Variants in GRB2 observed in about 807,000 individuals in gnomAD.
The protein encoded by GRB2 is growth factor receptor-bound protein 2.
Under a neutral mutation model 27.4 loss-of-function variants are expected in GRB2, and 2 were observed. The ratio of observed to expected loss-of-function variants is 0.07; its 90% CI spans 0.03 to 0.23. The LOEUF is 0.23. GRB2 is among the 10% of genes least tolerant of loss of function. GRB2 has a pLI of 1.00. For synonymous variants in GRB2, 94 were observed against 99.6 expected (o/e 0.94, Z 0.33); for missense variants, 102 against 282.4 (o/e 0.36, Z 4.58).
rs148470921 is a variant in GRB2 at position 75,352,890 on chromosome 17, T to TAAA, written c.79-20096_79-20094dup. Reference sequence around the variant, plus strand: ...AGTTAACTTGTTTTTTTTTTTTTTTTAAAAGACATAGTTGGCCAGGCACAG... The same window carrying TAAA: ...AGTTAACTTGTTTTTTTTTTTTTTTTAAAAAAAGACATAGTTGGCCAGGCACAG... On this transcript the variant is annotated intron_variant, in intron 2 of 5. Transcript: ENST00000316804. Among the ~76,000 whole-genome samples, 1,408 of 149,646 alleles carry TAAA rather than the reference T, an allele frequency of 9.4e-3. 27 individuals are homozygous for TAAA. The highest frequency in any genetic ancestry group is 0.047 in the South Asian group (223 of 4,742).
At chr17:75,381,384 T>A (rs1426546574) in intron 2 of GRB2, among the ~76,000 whole-genome samples, 2 of 152,124 alleles carry the variant, frequency 1.3e-5, no homozygotes, top group African/African-American at 2.4e-5. Context: ...AATAATCTAT[T>A]CTTTTTCCCC....
chr17:75,365,293 A>G (rs1454231794), intron 2 of GRB2, among the ~76,000 whole-genome samples: 1 of 152,170 alleles, frequency 6.6e-6, no homozygotes, highest in Non-Finnish European at 1.5e-5. Context: ...TAACTTTCTC[A>G]AAACAAAACA....
At chr17:75,379,826 C>T (rs572490982) in intron 2 of GRB2, among the ~76,000 whole-genome samples, 11 of 152,264 alleles carry the variant, frequency 7.2e-5, no homozygotes, top group African/African-American at 2.4e-4. Context: ...TTGACTGGAG[C>T]TAAAAATGCA....
chr17:75,355,816 CTTTTTTTT>C (rs1170570570), intron 2 of GRB2, among the ~76,000 whole-genome samples: 1 of 115,730 alleles, frequency 8.6e-6, no homozygotes, highest in Non-Finnish European at 1.8e-5. Context: ...TTCCTTTCTT[CTTTTTTTT>C]TTTTTTTTTT....
intron 2 of GRB2, among the ~76,000 whole-genome samples, chr17:75,361,080 A>T (rs1285742864): frequency 1.3e-5 from 2 of 152,118 alleles, no homozygotes; most frequent in Admixed American, 1.3e-4. Context: ...CTAAAGTCAA[A>T]CTTTTAAAAG....
chr17:75,381,622 G>A (rs1452685332), intron 2 of GRB2, among the ~76,000 whole-genome samples: 3 of 150,182 alleles, frequency 2.0e-5, no homozygotes, highest in African/African-American at 4.9e-5. Flanking sequence ...TCAGGAGGCT[G>A]AGGCAGGAGA....
intron 2 of GRB2, among the ~76,000 whole-genome samples, chr17:75,346,578 CTTTTTTTTTT>C (rs775027742): frequency 1.5e-5 from 1 of 68,724 alleles, no homozygotes; most frequent in Non-Finnish European, 2.5e-5. Context: ...CTTTTCTTGC[CTTTTTTTTTT>C]TTTTTTTTTT....
At chr17:75,329,095 G>C (rs1454842811) in intron 3 of GRB2, among the ~76,000 whole-genome samples, 1 of 151,940 alleles carries the variant, frequency 6.6e-6, no homozygotes, top group Admixed American at 6.6e-5. Context: ...CATCTGACTG[G>C]GTACAGCAGT....
In GRB2 at chr17:75,369,576, C is replaced by A. The variant is rs557426523; in HGVS notation, c.78+23975G>T. Among the ~76,000 whole-genome samples, 3 of 151,452 alleles carry A rather than the reference C, an allele frequency of 2.0e-5. No homozygotes were observed. In the South Asian group the frequency reaches 6.3e-4, roughly 32 times the overall value. On this transcript the variant is annotated intron_variant, in intron 2 of 5. Coordinates refer to ENST00000316804, the MANE Select transcript of GRB2 (RefSeq NM_002086.5). ...CACTGGTTAAAAACTGTTTCTGGGC[C>A]AGGCGCAGTAGCTTACACCTGTAAT...
chr17:75,348,786 C>T (rs1452231933), intron 2 of GRB2, among the ~76,000 whole-genome samples: 1 of 152,156 alleles, frequency 6.6e-6, no homozygotes, highest in African/African-American at 2.4e-5. Context: ...AGTGAACTTC[C>T]CACCTCAGTC....
At chr17:75,389,752 G>T (rs1045483516) in intron 2 of GRB2, among the ~76,000 whole-genome samples, 1 of 152,172 alleles carries the variant, frequency 6.6e-6, no homozygotes, top group African/African-American at 2.4e-5. Flanking sequence ...GGCTGAGGCA[G>T]GAGAATGGCG....
chr17:75,325,796 A>T (rs2078495089), intron 4 of GRB2, 102 bp downstream of exon 4: 2 of 1,204,870 alleles, frequency 1.7e-6, no homozygotes, highest in African/African-American at 1.5e-5. Context: ...GTTTAGGCTA[A>T]GCCTCCACCA....
At chr17:75,395,182 A>G (rs1264980532) in intron 1 of GRB2, among the ~76,000 whole-genome samples, 2 of 152,228 alleles carry the variant, frequency 1.3e-5, no homozygotes, top group Non-Finnish European at 2.9e-5. Context: ...AGTGGGGAAT[A>G]TTAAGATTAG....
chr17:75,327,449 C>G (rs113577483), intron 3 of GRB2, among the ~76,000 whole-genome samples: 1 of 151,324 alleles, frequency 6.6e-6, no homozygotes, highest in Non-Finnish European at 1.5e-5. Context: ...CGGCTCACTG[C>G]AACCTTCGCC....
At chr17:75,339,182 A>G (rs1337517446) in intron 2 of GRB2, 1 of 903,222 alleles carries the variant, frequency 1.1e-6, no homozygotes, top group Non-Finnish European at 1.8e-6. Context: ...AGACAATAAA[A>G]TCCTGAGTTT....
intron 3 of GRB2, among the ~76,000 whole-genome samples, chr17:75,327,830 CTCT>C (rs1286842775): frequency 1.3e-5 from 2 of 152,122 alleles, no homozygotes; most frequent in African/African-American, 4.8e-5. Flanking sequence ...CCTCTAGGGA[CTCT>C]TAGTAACTCT....
intron 4 of GRB2, among the ~76,000 whole-genome samples, chr17:75,322,658 A>G (rs2078468370): frequency 6.6e-6 from 1 of 152,094 alleles, no homozygotes; most frequent in African/African-American, 2.4e-5. Flanking sequence ...AGACTTCAAA[A>G]CCCAAAAGCT....
At chr17:75,377,034 T>G (rs1382897232) in intron 2 of GRB2, among the ~76,000 whole-genome samples, 1 of 150,770 alleles carries the variant, frequency 6.6e-6, no homozygotes, top group Non-Finnish European at 1.5e-5. Context: ...CAGACCTTCA[T>G]AGCTGGGCCC....
intron 1 of GRB2, among the ~76,000 whole-genome samples, chr17:75,394,615 GGAGCA>G (rs2079019064): frequency 6.6e-6 from 1 of 151,728 alleles, no homozygotes; most frequent in Non-Finnish European, 1.5e-5. Flanking sequence ...ACTAACCTAA[GGAGCA>G]GAGCTGAAGT....
Sources: gnomAD v4.1 joint callset for allele counts (sites outside exome capture counted in the v4.1 genomes callset) on GRCh38, gnomAD v4.1.1 for gene constraint, MANE v1.5 for transcripts, NCBI Gene and HGNC (gene_info 2026-07-23, HGNC 2026-07-21) for gene names.